The following SDK2 variants were observed in gnomAD, a reference collection of about 807,000 sequenced individuals.
SDK2 encodes sidekick cell adhesion molecule 2.
A neutral mutation model predicts 253.9 loss-of-function variants in SDK2; 105 were observed. The ratio of observed to expected loss-of-function variants is 0.41; its 90% CI spans 0.35 to 0.49. The LOEUF is 0.49. Ranked by LOEUF, SDK2 falls within the 20% of genes least tolerant of loss-of-function variation. The pLI, the probability that SDK2 is intolerant of heterozygous loss-of-function variation, is 0.06. For missense variants in SDK2, 2,608 were observed against 3,003.0 expected (o/e 0.87, Z 3.07); for synonymous variants, 1,249 against 1,234.9 (o/e 1.01, Z -0.24).
intron 4 of SDK2, among the ~76,000 whole-genome samples, chr17:73,450,239 C>T (rs1007381556): frequency 2.6e-5 from 4 of 152,324 alleles, no homozygotes; most frequent in Non-Finnish European, 5.9e-5. Flanking sequence ...CAGCTTCCTC[C>T]TTGCTGGGCC....
chr17:73,444,316 G>A lies in SDK2; in HGVS notation c.613+3299C>T, dbSNP rs920074232. ...AGTTGAGTGGGTCTCAGAGAAGTGA[G>A]TCCTGGAGCAGATTTACTGTTAATG... On this transcript the variant is annotated intron_variant, in intron 5 of 44. Coordinates refer to ENST00000392650, the MANE Select transcript of SDK2 (RefSeq NM_001144952.2). 4.6e-5 allele frequency among the ~76,000 whole-genome samples: 7 copies of A among 152,322 alleles called. No homozygotes were observed. In the East Asian group the frequency reaches 1.4e-3, roughly 29 times the overall value.
At chr17:73,438,647 C>T (rs955406601) in intron 6 of SDK2, among the ~76,000 whole-genome samples, 1 of 149,884 alleles carries the variant, frequency 6.7e-6, no homozygotes, top group Non-Finnish European at 1.5e-5. Flanking sequence ...GACAGACAGA[C>T]AGACAGACAG....
At position 73,415,752 on chromosome 17, in the gene SDK2, G is replaced by A. The variant is rs2063175170; in HGVS notation, c.2368+59C>T. The A allele has an allele frequency of 1.2e-5, 17 of 1,446,530 alleles. No homozygotes were observed. The South Asian group carries it at 2.1e-4, about 17-fold the overall frequency. The allele number at this position is 1,446,530 out of a possible 1,614,324, so 89.6% of individuals were successfully genotyped here. ...AATCCTCCCGTCTTGGCGTCCCAAA[G>A]TGCTAGGATTACACGCATGAGCCAC... is the stretch of plus-strand genomic sequence containing the variant. On this transcript the variant is annotated intron_variant, in intron 17 of 44. Transcript: ENST00000392650.
At chr17:73,563,824 G>C (rs1447771437) in intron 1 of SDK2, among the ~76,000 whole-genome samples, 1 of 151,678 alleles carries the variant, frequency 6.6e-6, no homozygotes, top group Non-Finnish European at 1.5e-5. Flanking sequence ...CCAGGCTGGA[G>C]TGCGATGGCA....
At chr17:73,572,902 G>A (rs1021439313) in intron 1 of SDK2, among the ~76,000 whole-genome samples, 2 of 152,102 alleles carry the variant, frequency 1.3e-5, no homozygotes, top group African/African-American at 4.8e-5. Flanking sequence ...TCCCAGCGCC[G>A]TCAAACACCC....
intron 1 of SDK2, among the ~76,000 whole-genome samples, chr17:73,546,313 G>T (rs2145829728): frequency 6.6e-6 from 1 of 152,354 alleles, no homozygotes; most frequent in Non-Finnish European, 1.5e-5. Context: ...TGGCTCCCGG[G>T]ACTTGACGGG....
At position 73,506,222 on chromosome 17, in the gene SDK2, G is replaced by C. The variant is rs377693943; in HGVS notation, c.224+1216C>G. Among the ~76,000 whole-genome samples the C allele has an allele frequency of 2.3e-4, 35 of 152,332 alleles. 1 individual carries two copies. In the East Asian group the frequency reaches 6.4e-3, roughly 28 times the overall value. The stretch of plus-strand genomic sequence containing the variant: ...GGTGTGCCAGGTGGTGGCCAGGAGA[G>C]GCTCTGGCCCCCAACTGAAAACCAC... On this transcript the variant is annotated intron_variant, in intron 2 of 44. Transcript: ENST00000392650.
chr17:73,471,500 G>A (rs1297345003), intron 3 of SDK2, among the ~76,000 whole-genome samples: 1 of 152,220 alleles, frequency 6.6e-6, no homozygotes, highest in African/African-American at 2.4e-5. Context: ...TTGGGAGGCT[G>A]AAGCAGGAGA....
At chr17:73,418,242 G>A (rs1413943229) in intron 16 of SDK2, among the ~76,000 whole-genome samples, 2 of 152,142 alleles carry the variant, frequency 1.3e-5, no homozygotes, top group Non-Finnish European at 2.9e-5. Flanking sequence ...TCCTGACCCC[G>A]TGATCCACCC....
In SDK2 at chr17:73,415,795, C is replaced by T. The variant is rs1408588477; in HGVS notation, c.2368+16G>A. The T allele has an allele frequency of 7.8e-6, 12 of 1,547,772 alleles. No individual in the cohort carries two copies. In the Admixed American group the frequency reaches 2.4e-4, roughly 30 times the overall value. On this transcript the variant is annotated intron_variant, in intron 17 of 44. Transcript: ENST00000392650. ...TGAGCCACCGCGCCTGGTCTGAGAC[C>T]ACAGTCTCTACCTACCTCCCTGCAG... is the stretch of plus-strand genomic sequence containing the variant.
At chr17:73,548,417 C>T (rs35460699) in intron 1 of SDK2, among the ~76,000 whole-genome samples, 4,688 of 152,370 alleles carry the variant, frequency 0.031, 110 homozygotes, top group Non-Finnish European at 0.049. Context: ...GTCCACACAG[C>T]ATCAAACCCT....
intron 40 of SDK2, among the ~76,000 whole-genome samples, chr17:73,354,281 A>C (rs4969030): frequency 0.89 from 135,981 of 152,226 alleles, 62,649 homozygotes; most frequent in Non-Finnish European, 1. Context: ...TTTGCACCTG[A>C]GCTTCCCTCA....
At chr17:73,604,643 G>A (rs776745131) in intron 1 of SDK2, among the ~76,000 whole-genome samples, 12 of 152,214 alleles carry the variant, frequency 7.9e-5, no homozygotes, top group South Asian at 4.1e-4. Context: ...TGAGGAGTGC[G>A]GGGCTGAGGG....
chr17:73,388,098 G>A, intron 29 of SDK2, 61 bp from the exon 30 acceptor site: 1 of 1,200,342 alleles, frequency 8.3e-7, no homozygotes, highest in South Asian at 1.3e-5. Flanking sequence ...GAGGGGGCTG[G>A]ACTTTCTCGA....
At chr17:73,595,070 G>C (rs1567862520) in intron 1 of SDK2, among the ~76,000 whole-genome samples, 1 of 152,224 alleles carries the variant, frequency 6.6e-6, no homozygotes, top group Non-Finnish European at 1.5e-5. Flanking sequence ...TGTTTCTGTT[G>C]TTTCTACCTC....
intron 1 of SDK2, among the ~76,000 whole-genome samples, chr17:73,569,228 C>G (rs1264265874): frequency 1.4e-5 from 2 of 146,666 alleles, no homozygotes; most frequent in East Asian, 4.0e-4. Context: ...GATGGAGTCT[C>G]ACTCTGTCGC....
At position 73,432,037 on chromosome 17, in the gene SDK2, C is replaced by T. The variant is rs573928090; in HGVS notation, c.1313-368G>A. ...CTGGCACCCGGGTTGGGGGAGCTGG[C>T]GGGGGGACAGCTCTGACAAGGTGAT... On this transcript the variant is annotated intron_variant, in intron 10 of 44. Transcript: ENST00000392650. 3.9e-5 allele frequency among the ~76,000 whole-genome samples: 6 copies of T among 152,124 alleles called. No homozygotes were observed. The East Asian group carries it at 5.8e-4, about 15-fold the overall frequency.
chr17:73,423,504 G>C lies in SDK2; in HGVS notation c.1779C>G (p.Pro593=), dbSNP rs759856465. ...TGCTGAGAGTGGCCACTGGGTGCTC[G>C]GGCGCGTGGGGCAGTTGCCTGGAAA... is the stretch of plus-strand genomic sequence containing the variant. ...HLRVRQLPHA[P]EHPVATLSTV... The change falls in exon 14 of 45, where the codon CCC becomes CCG. Residue 593 remains proline, a synonymous_variant. Transcript: ENST00000392650. 2.5e-6 allele frequency: 4 copies of C among 1,572,178 alleles called. No individual in the cohort carries two copies. The highest frequency in any genetic ancestry group is 1.8e-5 in the Admixed American group (1 of 55,808).
chr17:73,463,624 A>C (rs1309223071), intron 3 of SDK2, among the ~76,000 whole-genome samples: 1 of 152,004 alleles, frequency 6.6e-6, no homozygotes, highest in Non-Finnish European at 1.5e-5. Context: ...ATGCAAACTT[A>C]CACAATTTGT....
Sources: allele counts gnomAD v4.1 joint callset (sites outside exome capture counted in the v4.1 genomes callset), GRCh38; gene constraint gnomAD v4.1.1; transcripts MANE v1.5; gene names NCBI Gene and HGNC (gene_info 2026-07-23, HGNC 2026-07-21).